Variants in SAMD3 observed in about 807,000 individuals in gnomAD.
SAMD3 encodes sterile alpha motif domain containing 3, also known as sterile alpha motif domain-containing protein 3.
A neutral mutation model predicts 58.5 loss-of-function variants in SAMD3; 63 were observed. The observed-to-expected ratio is 1.08, with a 90% CI of 0.88 to 1.33. The LOEUF is 1.33. Ranked by LOEUF, SAMD3 falls within the 40% of genes most tolerant of loss-of-function variation. The pLI, the probability that SAMD3 is intolerant of heterozygous loss-of-function variation, is 0.00. For synonymous variants in SAMD3, 220 were observed against 210.3 expected, an observed-to-expected ratio of 1.05 and a Z score of -0.40; for missense variants, 604 against 608.4, an observed-to-expected ratio of 0.99 and a Z score of 0.08.
intron 1 of SAMD3, among the ~76,000 whole-genome samples, chr6:130,354,189 G>A (rs2115039153): frequency 6.6e-6 from 1 of 152,272 alleles, no homozygotes; most frequent in South Asian, 2.1e-4. Context: ...TGCTAGTGAG[G>A]TTGTAGAGAA....
intron 4 of SAMD3, among the ~76,000 whole-genome samples, chr6:130,210,174 C>G (rs1475546877): frequency 6.6e-6 from 1 of 152,164 alleles, no homozygotes; most frequent in East Asian, 1.9e-4. Context: ...GATTTTCTAC[C>G]AGTTTCAACA....
At chr6:130,273,770 CA>C (rs1421362485) in intron 2 of SAMD3, among the ~76,000 whole-genome samples, 2 of 152,064 alleles carry the variant, frequency 1.3e-5, no homozygotes, top group Admixed American at 1.3e-4. Flanking sequence ...GCTTTAATTG[CA>C]TGCAAATATC....
At chr6:130,161,214 CT>C (rs1790251596) in intron 8 of SAMD3, 1 of 152,114 alleles carries the variant, frequency 6.6e-6, no homozygotes, top group Non-Finnish European at 1.5e-5. Context: ...TTTATTTTGT[CT>C]CATAAACTAC....
At chr6:130,300,627 C>T (rs1775713970) in intron 2 of SAMD3, among the ~76,000 whole-genome samples, 1 of 152,038 alleles carries the variant, frequency 6.6e-6, no homozygotes, top group South Asian at 2.1e-4. Context: ...GTTCTAGCTA[C>T]AGAATTCAGA....
At chr6:130,350,566 T>C (rs1777620647) in intron 1 of SAMD3, among the ~76,000 whole-genome samples, 2 of 151,976 alleles carry the variant, frequency 1.3e-5, no homozygotes, top group Admixed American at 1.3e-4. Context: ...CTCGATGAAA[T>C]AAAAGAGGAT....
chr6:130,237,179 T>C (rs1166035265), intron 2 of SAMD3, among the ~76,000 whole-genome samples: 1 of 152,218 alleles, frequency 6.6e-6, no homozygotes, highest in African/African-American at 2.4e-5. Flanking sequence ...TGATTATGAA[T>C]TGTTGAGGAC....
At chr6:130,213,324 T>TAA (rs372149730) in intron 4 of SAMD3, among the ~76,000 whole-genome samples, 1 of 149,998 alleles carries the variant, frequency 6.7e-6, no homozygotes, top group Non-Finnish European at 1.5e-5. Flanking sequence ...TTTTTTTTTT[T>TAA]TAAAAAAAAT....
At chr6:130,154,710 AAAAAAAAAATAT>A (rs1464043082) in intron 9 of SAMD3, 103 bp downstream of exon 9, 137 of 126,172 alleles carry the variant, frequency 1.1e-3, no homozygotes, top group African/African-American at 3.4e-3. Flanking sequence ...AAAAAAAAAA[AAAAAAAAAATAT>A]ATATATATAT....
intron 2 of SAMD3, among the ~76,000 whole-genome samples, chr6:130,255,021 G>A (rs1773877534): frequency 6.6e-6 from 1 of 152,108 alleles, no homozygotes; most frequent in South Asian, 2.1e-4. Flanking sequence ...TCAAGATATT[G>A]TTTCAATTTC....
rs1055374 is a variant in SAMD3, at chr6:130,144,404, A to G, written c.*116T>C. On this transcript the variant is annotated 3_prime_UTR_variant, in exon 12 of 12. Transcript: ENST00000439090. The stretch of plus-strand genomic sequence containing the variant: ...AAAGCATTGAAATTCATTAGCATCT[A>G]TAAATACAAGATGATTTTCTCATAC... The G allele has an allele frequency of 0.091, 81,141 of 892,572 alleles. 4,413 individuals carry two copies. The highest frequency in any genetic ancestry group is 0.17 in the Admixed American group (5,976 of 35,184). The allele number at this position is 892,572 out of a possible 1,614,324, so 55.3% of individuals were successfully genotyped here.
At chr6:130,195,467 G>C (rs1794009991) in intron 5 of SAMD3, among the ~76,000 whole-genome samples, 1 of 152,142 alleles carries the variant, frequency 6.6e-6, no homozygotes, top group Non-Finnish European at 1.5e-5. Flanking sequence ...TTACAAGTTA[G>C]TTCAGGATCT....
chr6:130,206,695 A>G (rs1795113867), intron 5 of SAMD3, among the ~76,000 whole-genome samples: 1 of 152,182 alleles, frequency 6.6e-6, no homozygotes, highest in Non-Finnish European at 1.5e-5. Context: ...GGCTTAGGAG[A>G]GACTTTATGA....
intron 2 of SAMD3, among the ~76,000 whole-genome samples, chr6:130,274,352 A>C (rs865798327): frequency 1.3e-5 from 2 of 152,182 alleles, no homozygotes; most frequent in African/African-American, 4.8e-5. Flanking sequence ...GTATAACTAT[A>C]GAATGTACAG....
At chr6:130,350,899 C>G (rs567606705) in intron 1 of SAMD3, among the ~76,000 whole-genome samples, 1 of 152,112 alleles carries the variant, frequency 6.6e-6, no homozygotes, top group African/African-American at 2.4e-5. Flanking sequence ...TGGAACAGAA[C>G]AGAGCCCTCA....
intron 2 of SAMD3, among the ~76,000 whole-genome samples, chr6:130,244,370 C>T (rs1773462489): frequency 6.6e-6 from 1 of 152,128 alleles, no homozygotes; most frequent in Admixed American, 6.5e-5. Flanking sequence ...TGATCCTTGG[C>T]TCCTTCATTC....
intron 5 of SAMD3, among the ~76,000 whole-genome samples, chr6:130,203,375 G>A (rs1794813825): frequency 6.6e-6 from 1 of 152,172 alleles, no homozygotes; most frequent in African/African-American, 2.4e-5. Context: ...GTAAATGACA[G>A]AGCTAGGGTT....
intron 2 of SAMD3, among the ~76,000 whole-genome samples, chr6:130,251,579 T>A (rs1773739936): frequency 6.6e-6 from 1 of 152,188 alleles, no homozygotes; most frequent in African/African-American, 2.4e-5. Context: ...AAATGGAATT[T>A]CATTCTTTAG....
chr6:130,300,990 C>A (rs965012221), intron 2 of SAMD3, among the ~76,000 whole-genome samples: 4 of 152,078 alleles, frequency 2.6e-5, no homozygotes, highest in Non-Finnish European at 5.9e-5. Context: ...CTCCAACCAG[C>A]CCCGGTGTCT....
At chr6:130,147,826 C>T (rs899898850) in intron 9 of SAMD3, among the ~76,000 whole-genome samples, 4 of 152,184 alleles carry the variant, frequency 2.6e-5, no homozygotes, top group African/African-American at 7.2e-5. Flanking sequence ...GTTTCCTTGA[C>T]GGTTTCTGAA....
Sources: allele counts gnomAD v4.1 joint callset (sites outside exome capture counted in the v4.1 genomes callset), GRCh38; gene constraint gnomAD v4.1.1; transcripts MANE v1.5; gene names NCBI Gene and HGNC (gene_info 2026-07-23, HGNC 2026-07-21).